CADM2: variants seen among roughly 807,000 people sequenced by gnomAD.
CADM2 encodes immunoglobulin superfamily member 4D.
A neutral mutation model predicts 49.8 loss-of-function variants in CADM2; 12 were observed. The ratio of observed to expected loss-of-function variants is 0.24; its 90% CI spans 0.15 to 0.39. CADM2 has a LOEUF of 0.39. Among genes scored for constraint, CADM2 ranks in the 10% least tolerant of loss-of-function variants. The pLI, the probability that CADM2 is intolerant of heterozygous loss-of-function variation, is 1.00. For synonymous variants in CADM2, 214 were observed against 175.4 expected, an observed-to-expected ratio of 1.22 and a Z score of -1.74; for missense variants, 378 against 492.3, an observed-to-expected ratio of 0.77 and a Z score of 2.20.
At chr3:85,941,655 A>G (rs1721928757) in intron 7 of CADM2, among the ~76,000 whole-genome samples, 1 of 152,044 alleles carries the variant, frequency 6.6e-6, no homozygotes, top group Admixed American at 6.6e-5. Flanking sequence ...ATTTGCAAGG[A>G]ACAGAAGGAA....
intron 1 of CADM2, among the ~76,000 whole-genome samples, chr3:85,662,397 C>G (rs1577041215): frequency 6.6e-6 from 1 of 151,952 alleles, no homozygotes; most frequent in African/African-American, 2.4e-5. Flanking sequence ...AAAATGATAT[C>G]TTTGCCTTAA....
At chr3:85,840,319 A>T (rs1206315727) in intron 3 of CADM2, among the ~76,000 whole-genome samples, 1 of 151,784 alleles carries the variant, frequency 6.6e-6, no homozygotes. Flanking sequence ...GACAACACCT[A>T]CTTTCTTTGT....
At chr3:85,584,598 A>C (rs2062886487) in intron 1 of CADM2, among the ~76,000 whole-genome samples, 1 of 152,108 alleles carries the variant, frequency 6.6e-6, no homozygotes, top group Admixed American at 6.6e-5. Context: ...TAGTAGTGTG[A>C]AAATGTACTT....
chr3:85,231,697 A>T (rs545023222), intron 1 of CADM2, among the ~76,000 whole-genome samples: 2 of 149,530 alleles, frequency 1.3e-5, no homozygotes, highest in African/African-American at 5.0e-5. Flanking sequence ...AGTATTATTA[A>T]GTTTCCTTTC....
intron 7 of CADM2, among the ~76,000 whole-genome samples, chr3:85,947,523 G>A (rs564269671): frequency 6.6e-6 from 1 of 150,962 alleles, no homozygotes; most frequent in South Asian, 2.1e-4. Flanking sequence ...ATATAATATT[G>A]GAAAATTCAT....
intron 2 of CADM2, among the ~76,000 whole-genome samples, chr3:85,744,050 A>G (rs2068509504): frequency 6.6e-6 from 1 of 152,188 alleles, no homozygotes; most frequent in Non-Finnish European, 1.5e-5. Context: ...CAATAATAGC[A>G]AGATGAGTAG....
chr3:85,108,199 T>G (rs560176253), intron 1 of CADM2, among the ~76,000 whole-genome samples: 1 of 151,700 alleles, frequency 6.6e-6, no homozygotes, highest in Admixed American at 6.6e-5. Flanking sequence ...GATAAAAATG[T>G]CTCTGGGCAT....
chr3:85,276,474 C>A (rs2106868330), intron 1 of CADM2, among the ~76,000 whole-genome samples: 1 of 151,382 alleles, frequency 6.6e-6, no homozygotes, highest in South Asian at 2.1e-4. Flanking sequence ...TAAATTCTAT[C>A]TTTGACTCAG....
intron 1 of CADM2, among the ~76,000 whole-genome samples, chr3:85,521,848 G>A (rs1408906590): frequency 1.3e-5 from 2 of 152,172 alleles, no homozygotes; most frequent in African/African-American, 4.8e-5. Context: ...TGTATTCTTG[G>A]TGGTGATACT....
intron 1 of CADM2, among the ~76,000 whole-genome samples, chr3:85,664,584 A>G (rs567510351): frequency 1.3e-5 from 2 of 152,096 alleles, no homozygotes; most frequent in East Asian, 1.9e-4. Flanking sequence ...GGCTTAAGCC[A>G]TCATCATTTT....
In CADM2 at chr3:85,229,159, C is replaced by T. The variant is rs182759971; in HGVS notation, c.61+269491C>T. ...TCAGCAATGGTGGACGACCCTCCCCCAACCAAGCTCGTGAATTCCAGGTCA... is the reference window on the plus strand; with the variant it reads ...TCAGCAATGGTGGACGACCCTCCCCTAACCAAGCTCGTGAATTCCAGGTCA... On this transcript the variant is annotated intron_variant, in intron 1 of 9. Coordinates refer to ENST00000383699, the MANE Select transcript of CADM2 (RefSeq NM_001167675.2). 1.9e-4 allele frequency among the ~76,000 whole-genome samples: 29 copies of T among 152,274 alleles called. No individual in the cohort carries two copies. In the East Asian group the frequency reaches 5.4e-3, roughly 28 times the overall value.
chr3:85,808,081 C>T (rs1357904071), intron 3 of CADM2, among the ~76,000 whole-genome samples: 2 of 152,122 alleles, frequency 1.3e-5, no homozygotes, highest in African/African-American at 4.8e-5. Context: ...GCCTTGTGTG[C>T]ACCCAAAAAT....
intron 1 of CADM2, among the ~76,000 whole-genome samples, chr3:85,547,765 C>G (rs754652830): frequency 6.6e-6 from 1 of 152,082 alleles, no homozygotes; most frequent in Non-Finnish European, 1.5e-5. Context: ...GGAAAGGGAT[C>G]GCTGGTGCTC....
chr3:85,126,739 TA>T (rs912126575), intron 1 of CADM2, among the ~76,000 whole-genome samples: 3 of 151,930 alleles, frequency 2.0e-5, no homozygotes, highest in Non-Finnish European at 2.9e-5. Flanking sequence ...GCATCATTTC[TA>T]AAAAAAAGTC....
chr3:85,732,183 C>T (rs1577185448), intron 2 of CADM2, among the ~76,000 whole-genome samples: 1 of 150,804 alleles, frequency 6.6e-6, no homozygotes, highest in South Asian at 2.1e-4. Flanking sequence ...ATCACTTGAA[C>T]CTGGGAGGCG....
At chr3:86,005,834 A>G (rs1225586051) in intron 8 of CADM2, among the ~76,000 whole-genome samples, 1 of 152,042 alleles carries the variant, frequency 6.6e-6, no homozygotes, top group East Asian at 1.9e-4. Context: ...TTTTGTACCC[A>G]TTAACTACCC....
chr3:85,514,858 A>G (rs2060855976), intron 1 of CADM2, among the ~76,000 whole-genome samples: 1 of 152,016 alleles, frequency 6.6e-6, no homozygotes, highest in Non-Finnish European at 1.5e-5. Flanking sequence ...TTTCCACCAA[A>G]GTTTTAGGGG....
chr3:85,979,130 A>G, intron 8 of CADM2: 1 of 1,598,096 alleles, frequency 6.3e-7, no homozygotes, highest in Non-Finnish European at 8.6e-7. Flanking sequence ...TTTGCATGAT[A>G]TGATTTTGTT....
intron 1 of CADM2, among the ~76,000 whole-genome samples, chr3:85,413,935 G>T (rs1464336358): frequency 1.3e-5 from 2 of 152,080 alleles, no homozygotes; most frequent in African/African-American, 4.8e-5. Flanking sequence ...TGGGATCTGG[G>T]CCCACTGCAA....
Sources: allele counts gnomAD v4.1 joint callset (sites outside exome capture counted in the v4.1 genomes callset), GRCh38; gene constraint gnomAD v4.1.1; transcripts MANE v1.5; gene names NCBI Gene and HGNC (gene_info 2026-07-23, HGNC 2026-07-21).